The following SH3KBP1 variants were observed in gnomAD, a reference collection of about 807,000 sequenced individuals.
SH3KBP1 encodes the protein SH3 domain-containing kinase-binding protein 1.
In SH3KBP1, 8 loss-of-function variants were observed where a neutral mutation model predicts 50.1. That is an observed-to-expected ratio of 0.16 (90% CI 0.09 to 0.29). The LOEUF (loss-of-function observed/expected upper bound fraction) is 0.29, where lower values mean the gene tolerates loss of function less well. Ranked by LOEUF, SH3KBP1 falls within the 10% of genes least tolerant of loss-of-function variation. The pLI is 1.00. For missense variants in SH3KBP1, 377 were observed against 535.2 expected, an observed-to-expected ratio of 0.70 and a Z score of 2.92; for synonymous variants, 227 against 218.6, an observed-to-expected ratio of 1.04 and a Z score of -0.34.
intron 6 of SH3KBP1, among the ~76,000 whole-genome samples, chrX:19,653,926 A>G (rs1418727565): frequency 9.2e-6 from 1 of 109,239 alleles, no homozygotes; most frequent in Non-Finnish European, 1.9e-5. Flanking sequence ...TTTCTCTTCA[A>G]CTCTCAAGAC....
chrX:19,866,134 G>A (rs1042325014), intron 1 of SH3KBP1, among the ~76,000 whole-genome samples: 2 of 111,846 alleles, frequency 1.8e-5, no homozygotes, highest in South Asian at 7.4e-4. Flanking sequence ...GCAGAAATGA[G>A]CACTCTGGCT....
At chrX:19,562,675 G>A (rs770971905) in intron 13 of SH3KBP1, among the ~76,000 whole-genome samples, 8 of 110,993 alleles carry the variant, frequency 7.2e-5, no homozygotes, top group Non-Finnish European at 1.5e-4. Flanking sequence ...AGATGCAGGC[G>A]ACCACATTAC....
At chrX:19,722,370 C>G (rs2064080490) in intron 3 of SH3KBP1, among the ~76,000 whole-genome samples, 1 of 111,980 alleles carries the variant, frequency 8.9e-6, no homozygotes, top group Non-Finnish European at 1.9e-5. Context: ...TTACCCTCCC[C>G]CAACTCAGCC....
chrX:19,877,609 A>C (rs2069293347), intron 1 of SH3KBP1, among the ~76,000 whole-genome samples: 1 of 112,088 alleles, frequency 8.9e-6, no homozygotes, highest in African/African-American at 3.2e-5. Flanking sequence ...CATGGCCCCA[A>C]GTCTTCTAAG....
At chrX:19,809,729 A>C (rs2067154787) in intron 2 of SH3KBP1, among the ~76,000 whole-genome samples, 1 of 112,328 alleles carries the variant, frequency 8.9e-6, no homozygotes, top group African/African-American at 3.2e-5. Context: ...ATAATTAATA[A>C]TGCATGTGCC....
At chrX:19,572,230 T>C (rs1318518958) in intron 12 of SH3KBP1, among the ~76,000 whole-genome samples, 2 of 107,236 alleles carry the variant, frequency 1.9e-5, no homozygotes, top group Non-Finnish European at 3.8e-5. Context: ...TTATATATAG[T>C]ACATATATAT....
intron 7 of SH3KBP1, among the ~76,000 whole-genome samples, chrX:19,636,024 G>A (rs1049383194): frequency 1.2e-4 from 13 of 110,750 alleles, no homozygotes; most frequent in Admixed American, 2.9e-4. Flanking sequence ...AATGAGTATC[G>A]GACAGAGTTG....
intron 6 of SH3KBP1, among the ~76,000 whole-genome samples, chrX:19,651,640 C>T (rs1427294240): frequency 8.9e-6 from 1 of 112,500 alleles, no homozygotes; most frequent in Non-Finnish European, 1.9e-5. Context: ...ATATATTAAA[C>T]CTCTTTGCCC....
chrX:19,774,603 G>A (rs910335116), intron 2 of SH3KBP1, among the ~76,000 whole-genome samples: 10 of 105,144 alleles, frequency 9.5e-5, no homozygotes, highest in East Asian at 5.9e-4. Context: ...CCCAGGAGGC[G>A]GAGCTTACAG....
intron 2 of SH3KBP1, among the ~76,000 whole-genome samples, chrX:19,773,551 C>A (rs781778969): frequency 1.3e-4 from 14 of 108,759 alleles, no homozygotes; most frequent in East Asian, 1.2e-3. Flanking sequence ...ACACACACAC[C>A]CCCCTATAAG....
intron 13 of SH3KBP1, among the ~76,000 whole-genome samples, chrX:19,556,231 A>C (rs965011985): frequency 6.3e-5 from 7 of 110,629 alleles, no homozygotes; most frequent in Non-Finnish European, 1.3e-4. Context: ...CCATTAACGG[A>C]GCTGTGGGAT....
chrX:19,587,358 G>A (rs976937196), intron 12 of SH3KBP1, among the ~76,000 whole-genome samples: 4 of 110,954 alleles, frequency 3.6e-5, no homozygotes, highest in Non-Finnish European at 7.5e-5. Context: ...GGGAGTCACT[G>A]TTTAAAGGGT....
At chrX:19,587,207 A>T (rs2066597836) in intron 12 of SH3KBP1, among the ~76,000 whole-genome samples, 1 of 100,927 alleles carries the variant, frequency 9.9e-6, no homozygotes, top group Non-Finnish European at 2.0e-5. Flanking sequence ...GGGCAACAAG[A>T]GCGAAACTCT....
At chrX:19,880,553 T>A (rs1476924813) in intron 1 of SH3KBP1, among the ~76,000 whole-genome samples, 2 of 112,373 alleles carry the variant, frequency 1.8e-5, no homozygotes, top group Non-Finnish European at 3.8e-5. Flanking sequence ...AAATAAAAAA[T>A]GTTTTAAACA....
intron 9 of SH3KBP1, among the ~76,000 whole-genome samples, chrX:19,605,317 C>T (rs1249563830): frequency 8.9e-6 from 1 of 111,793 alleles, no homozygotes. Flanking sequence ...TAGCTAGATT[C>T]AGTCATTCCA....
At chrX:19,670,084 G>T (rs763207547) in intron 6 of SH3KBP1, among the ~76,000 whole-genome samples, 1 of 110,320 alleles carries the variant, frequency 9.1e-6, no homozygotes, top group South Asian at 3.9e-4. Context: ...TTTTGTGTTT[G>T]GAAAATGACA....
At chrX:19,735,713 CT>C (rs1326956095) in intron 3 of SH3KBP1, among the ~76,000 whole-genome samples, 2 of 54,616 alleles carry the variant, frequency 3.7e-5, no homozygotes, top group East Asian at 5.5e-4. Flanking sequence ...ACTGAGACTC[CT>C]TTTTTTTGGC....
intron 8 of SH3KBP1, among the ~76,000 whole-genome samples, chrX:19,630,310 C>T (rs925965446): frequency 8.9e-6 from 1 of 112,209 alleles, no homozygotes; most frequent in African/African-American, 3.2e-5. Context: ...TAGCCCTTTC[C>T]CAGTATTTCT....
At chrX:19,558,872 T>C (rs1307716678) in intron 13 of SH3KBP1, among the ~76,000 whole-genome samples, 1 of 111,903 alleles carries the variant, frequency 8.9e-6, no homozygotes, top group Non-Finnish European at 1.9e-5. Flanking sequence ...CATGTGTGTA[T>C]GATTATCACT....
Sources: allele counts gnomAD v4.1 joint callset (sites outside exome capture counted in the v4.1 genomes callset), GRCh38; gene constraint gnomAD v4.1.1; transcripts MANE v1.5; gene names NCBI Gene and HGNC (gene_info 2026-07-23, HGNC 2026-07-21).